The following TMPRSS15 variants were observed in gnomAD, a reference collection of about 807,000 sequenced individuals.
The protein encoded by TMPRSS15 is transmembrane serine protease 15.
TMPRSS15 carries 128 observed loss-of-function variants against 125.3 expected under a neutral mutation model. The observed-to-expected ratio is 1.02, with a 90% CI of 0.89 to 1.18. TMPRSS15 has a LOEUF of 1.18. Ranked by LOEUF, TMPRSS15 falls within the 50% of genes most tolerant of loss-of-function variation. The pLI, the probability that TMPRSS15 is intolerant of heterozygous loss-of-function variation, is 0.00. For missense variants in TMPRSS15, 1,283 were observed against 1,212.7 expected, an observed-to-expected ratio of 1.06 and a Z score of -0.86; for synonymous variants, 446 against 423.2, an observed-to-expected ratio of 1.05 and a Z score of -0.66.
chr21:18,353,942 G>T, intron 8 of TMPRSS15, 79 bp from the exon 9 acceptor site: 2 of 1,377,118 alleles, frequency 1.5e-6, no homozygotes, highest in South Asian at 1.2e-5. Context: ...TCCATCTACT[G>T]AACTATCAGT....
At chr21:18,403,811 A>G (rs576081566), upstream of TMPRSS15, among the ~76,000 whole-genome samples, 3 of 152,334 alleles carry the variant, frequency 2.0e-5, no homozygotes, top group East Asian at 5.8e-4. Context: ...TACATTAAGT[A>G]TCATTAAAAG....
At chr21:18,315,051 T>C (rs1429349173) in intron 17 of TMPRSS15, 95 bp downstream of exon 17, 1 of 969,124 alleles carries the variant, frequency 1.0e-6, no homozygotes, top group Non-Finnish European at 1.6e-6. Context: ...TCAAAACAGG[T>C]CCTAATAGAC....
intron 1 of TMPRSS15, among the ~76,000 whole-genome samples, chr21:18,458,017 T>C (rs1325828999): frequency 1.3e-5 from 2 of 152,150 alleles, no homozygotes; most frequent in Non-Finnish European, 1.5e-5. Flanking sequence ...GTATACTGCA[T>C]TGAGACGAAG....
chr21:18,288,528 C>CT lies in TMPRSS15; in HGVS notation c.2486+5741dup, dbSNP rs149147539. Among the ~76,000 whole-genome samples, 713 of 96,936 alleles carry CT rather than the reference C, an allele frequency of 7.4e-3. 2 individuals are homozygous for CT. The highest frequency in any genetic ancestry group is 8.6e-3 in the Non-Finnish European group (455 of 52,986). The allele number at this position is 96,936 out of a possible 152,430, so 63.6% of individuals were successfully genotyped here. A position where few individuals can be genotyped will look rare whatever the true frequency, so the allele number is the denominator to read the frequency against. ...CTATTGTCCTAAGAAAATGCTCTTC[C>CT]TTTTTTTTTTTTTTTTTTTTTTTTT... is the stretch of plus-strand genomic sequence containing the variant. On this transcript the variant is annotated intron_variant, in intron 21 of 24. Coordinates refer to ENST00000284885, the MANE Select transcript of TMPRSS15 (RefSeq NM_002772.3).
At chr21:18,354,530 A>G (rs181425859) in intron 8 of TMPRSS15, among the ~76,000 whole-genome samples, 11 of 151,918 alleles carry the variant, frequency 7.2e-5, no homozygotes, top group Admixed American at 7.2e-4. Flanking sequence ...CTTTTATGAA[A>G]ATGTACAGCA....
intron 3 of TMPRSS15, among the ~76,000 whole-genome samples, chr21:18,387,403 C>A (rs113266955): frequency 6.6e-6 from 1 of 152,052 alleles, no homozygotes; most frequent in Non-Finnish European, 1.5e-5. Flanking sequence ...GTAAACAAGT[C>A]TTTCCTTTCC....
Position 18,397,957 on chromosome 21 carries a change from A to G in TMPRSS15, c.277-11T>C. The G allele has an allele frequency of 2.1e-6, 3 of 1,453,962 alleles. No individual in the cohort carries two copies. Among genetic ancestry groups the G allele is most frequent in the South Asian group, 1.2e-5 (1 of 81,118 alleles). The allele number at this position is 1,453,962 out of a possible 1,614,324, so 90.1% of individuals were successfully genotyped here. On this transcript the variant is annotated splice_polypyrimidine_tract_variant and intron_variant, in intron 2 of 24. Coordinates refer to ENST00000284885, the MANE Select transcript of TMPRSS15 (RefSeq NM_002772.3). ...AAAGATCTCATCTATCTAGAAAAAT[A>G]TAAAAGATTGAATGAGTATACTAAA...
At chr21:18,456,172 C>T (rs1978436799) in intron 1 of TMPRSS15, among the ~76,000 whole-genome samples, 2 of 152,012 alleles carry the variant, frequency 1.3e-5, no homozygotes, top group African/African-American at 2.4e-5. Context: ...TTTTAAGGTG[C>T]CCACAAGGCA....
At chr21:18,382,664 C>T (rs948750849) in intron 4 of TMPRSS15, among the ~76,000 whole-genome samples, 6 of 152,120 alleles carry the variant, frequency 3.9e-5, no homozygotes, top group African/African-American at 7.2e-5. Context: ...TTATTCCCCT[C>T]GGTGTAGATA....
intron 1 of TMPRSS15, among the ~76,000 whole-genome samples, chr21:18,417,113 T>G (rs1044273737): frequency 3.9e-5 from 6 of 152,112 alleles, no homozygotes; most frequent in Non-Finnish European, 5.9e-5. Flanking sequence ...TTCAGCCAAT[T>G]TTTACATAAA....
rs926350516 is a variant in TMPRSS15, at chr21:18,413,253, CCTTT to C, written c.11-14928_11-14925del. ...TTCCTTTTCTCTCTCTTTCTTCCTT[CCTTT>C]CTTTCTTTCTCTTTCTTTTTCTTTT... On this transcript the variant is annotated intron_variant, in intron 1 of 7. Coordinates refer to the TMPRSS15 transcript ENST00000422787. Among the ~76,000 whole-genome samples, 64 of 137,198 alleles carry C rather than the reference CCTTT, an allele frequency of 4.7e-4. 1 individual carries two copies. In the South Asian group the frequency reaches 5.0e-3, roughly 11 times the overall value. 90.0% of individuals were successfully genotyped at this position (137,198 alleles called of 152,430 possible).
chr21:18,326,645 A>C, intron 15 of TMPRSS15, 73 bp from the exon 16 acceptor site: 2 of 1,580,624 alleles, frequency 1.3e-6, no homozygotes, highest in Non-Finnish European at 8.7e-7. Flanking sequence ...CCCACATCTC[A>C]GTTCCCTCTG....
In TMPRSS15 at chr21:18,397,941, A is replaced by G. The variant is rs2076055063; in HGVS notation, c.282T>C (p.Asp94=). 2 of 1,505,332 alleles carry G rather than the reference A, an allele frequency of 1.3e-6. No individual in the cohort carries two copies. Among genetic ancestry groups the G allele is most frequent in the Non-Finnish European group, 1.8e-6 (2 of 1,094,762 alleles). The allele number at this position is 1,505,332 out of a possible 1,614,324, so 93.2% of individuals were successfully genotyped here. A position where few individuals can be genotyped will look rare whatever the true frequency, so the allele number is the denominator to read the frequency against. ...VLAFDLQQMI[D]EIFLSSNLKN... ...TCAGATTGCTTGATAGAAAGATCTC[A>G]TCTATCTAGAAAAATATAAAAGATT... Residue 94 remains aspartate (D), a synonymous_variant, in exon 3 of 25, where the codon GAT becomes GAC. Transcript: ENST00000284885.
In TMPRSS15 at chr21:18,341,506, C is replaced by T. The variant is rs576287723; in HGVS notation, c.1471G>A (p.Ala491Thr). ...AFKNKILSDIALDDISLTYGI... is the reference protein window; with the variant it reads ...AFKNKILSDITLDDISLTYGI... Reference sequence around the variant, plus strand: ...TATGTTAGGCTAATGTCATCCAACGCAATATCACTCAGGATCTTGTTTTTA... The same window carrying T: ...TATGTTAGGCTAATGTCATCCAACGTAATATCACTCAGGATCTTGTTTTTA... Residue 491 changes from alanine (A) to threonine (T), a missense_variant, in exon 13 of 25, where the codon GCG (alanine) becomes ACG (threonine). Ala to Thr is a moderately conservative substitution (Grantham distance 58). Coordinates refer to ENST00000284885, the MANE Select transcript of TMPRSS15 (RefSeq NM_002772.3). 9.9e-6 allele frequency: 16 copies of T among 1,614,122 alleles called. No individual in the cohort carries two copies. In the Admixed American group the frequency reaches 1.8e-4, roughly 18 times the overall value.
rs62213264 is a variant in TMPRSS15 at position 18,467,092 on chromosome 21, C to T, written c.10+18707G>A. 5.9e-3 allele frequency among the ~76,000 whole-genome samples: 897 copies of T among 152,012 alleles called. 6 individuals are homozygous for T. The highest frequency in any genetic ancestry group is 9.0e-3 in the Non-Finnish European group (608 of 67,932). ...TACTATGCAGCCATAAAAAAGGATG[C>T]GTTCATGTCCTTTGCAGGGACATGG... On this transcript the variant is annotated intron_variant, in intron 1 of 7. Coordinates refer to the TMPRSS15 transcript ENST00000422787.
In TMPRSS15 at chr21:18,372,247, A is replaced by T. The variant is rs2075799071; in HGVS notation, c.610T>A (p.Cys204Ser). 2 of 1,613,324 alleles carry T rather than the reference A, an allele frequency of 1.2e-6. No homozygotes were observed. The highest frequency in any genetic ancestry group is 1.7e-6 in the Non-Finnish European group (2 of 1,179,544). Residue 204 changes from cysteine to serine, a missense_variant, in exon 6 of 25, where the codon TGT becomes AGT. Cys to Ser is a moderately radical substitution (Grantham distance 112). Coordinates refer to ENST00000284885, the MANE Select transcript of TMPRSS15 (RefSeq NM_002772.3). ...TCTGGACAGTTTACTTCTCCATCAC[A>T]AAATAAATCAGCTTTTATACACGTT... ...ALTCIKADLF[C>S]DGEVNCPDGS... is the part of the protein sequence containing the mutation.
At position 18,403,628 on chromosome 21, in the gene TMPRSS15, G is replaced by A. The variant is rs765183632; in HGVS notation, c.-6C>T. Reference sequence around the variant, plus strand: ...ATGCCTCTTTTCGACCCCATTTTTGGTTTTGAAGGCTTGCTAATTTAAGAA... The same window carrying A: ...ATGCCTCTTTTCGACCCCATTTTTGATTTTGAAGGCTTGCTAATTTAAGAA... On this transcript the variant is annotated 5_prime_UTR_variant, in exon 1 of 25. Transcript: ENST00000284885. 14 of 1,613,880 alleles carry A rather than the reference G, an allele frequency of 8.7e-6. No individual in the cohort carries two copies. The highest frequency in any genetic ancestry group is 1.2e-5 in the Non-Finnish European group (14 of 1,179,930).
At chr21:18,306,258 T>G (rs1157738362) in intron 18 of TMPRSS15, among the ~76,000 whole-genome samples, 3 of 152,204 alleles carry the variant, frequency 2.0e-5, no homozygotes. Flanking sequence ...GCACTATATG[T>G]CTACCACCTC....
At chr21:18,281,731 C>A (rs2074700754) in intron 21 of TMPRSS15, among the ~76,000 whole-genome samples, 1 of 152,120 alleles carries the variant, frequency 6.6e-6, no homozygotes, top group Non-Finnish European at 1.5e-5. Context: ...ACAACTGTAG[C>A]TAGCAACTGT....
Sources: gnomAD v4.1 joint callset for allele counts (sites outside exome capture counted in the v4.1 genomes callset) on GRCh38, gnomAD v4.1.1 for gene constraint, MANE v1.5 for transcripts, NCBI Gene and HGNC (gene_info 2026-07-23, HGNC 2026-07-21) for gene names.